KCNQ1: variants seen among roughly 807,000 people sequenced by gnomAD.
The protein encoded by KCNQ1 is potassium voltage-gated channel subfamily KQT member 1.
KCNQ1 carries 49 observed loss-of-function variants against 72.4 expected under a neutral mutation model. The observed-to-expected ratio is 0.68, with a 90% CI of 0.54 to 0.86. The LOEUF is 0.86. Among genes scored for constraint, KCNQ1 ranks in the 40% least tolerant of loss-of-function variants. KCNQ1 has a pLI of 0.00. For missense variants in KCNQ1, 790 were observed against 945.1 expected, an observed-to-expected ratio of 0.84 and a Z score of 2.15; for synonymous variants, 450 against 412.6, an observed-to-expected ratio of 1.09 and a Z score of -1.10.
At chr11:2,644,246 A>G (rs1849629396) in intron 10 of KCNQ1, 1 of 398,500 alleles carries the variant, frequency 2.5e-6, no homozygotes, top group East Asian at 3.6e-5. Context: ...ATGGCATCCT[A>G]TAGTCACATA....
chr11:2,723,264 G>A lies in KCNQ1; in HGVS notation c.1515-45580G>A, dbSNP rs1480774849. On this transcript the variant is annotated intron_variant, in intron 11 of 15. Transcript: ENST00000155840. The surrounding 1 kb of genome is among the most constrained non-coding windows in gnomAD (Gnocchi z 4.2). ...CTGCCGCCCTGGACAAGGTGCCCAC[G>A]GCCCTGTCCCATTTACCGTTGGGGC... 6.6e-6 allele frequency among the ~76,000 whole-genome samples: 1 copy of A among 152,204 alleles called. No individual in the cohort carries two copies. Among genetic ancestry groups the A allele is most frequent in the African/African-American group, 2.4e-5 (1 of 41,460 alleles).
Position 2,809,301 on chromosome 11 carries a change from T to C in KCNQ1, c.1794+31264T>C, listed in dbSNP as rs929460995. Among the ~76,000 whole-genome samples, 3 of 152,146 alleles carry C rather than the reference T, an allele frequency of 2.0e-5. No homozygotes were observed. Among genetic ancestry groups the C allele is most frequent in the African/African-American group, 7.2e-5 (3 of 41,426 alleles). On this transcript the variant is annotated intron_variant, in intron 15 of 15. Transcript: ENST00000155840. This position sits in a 1 kb window ranked among gnomAD's most constrained non-coding sequence, Gnocchi z 7.1. ...TTCATTTCTAAATGTCACTTTCAGG[T>C]TAAGGAAAATAAAATGTGGGACGCT...
At chr11:2,557,602 A>G (rs1303750329) in intron 2 of KCNQ1, among the ~76,000 whole-genome samples, 1 of 152,302 alleles carries the variant, frequency 6.6e-6, no homozygotes, top group African/African-American at 2.4e-5. Flanking sequence ...TCCCCTCTGC[A>G]TAGTATCAGC....
rs1847957163 is a variant in KCNQ1 at position 2,549,911 on chromosome 11, C to A, written c.478-20717C>A. Reference sequence around the variant, plus strand: ...AATCTGGGGGTTCCGGCTCCTTGCCCACCGCCCCCGCCACCCAGCGCGAGC... The same window carrying A: ...AATCTGGGGGTTCCGGCTCCTTGCCAACCGCCCCCGCCACCCAGCGCGAGC... On this transcript the variant is annotated intron_variant, in intron 2 of 15. Transcript: ENST00000155840. This position sits in a 1 kb window ranked among gnomAD's most constrained non-coding sequence, Gnocchi z 6.2. Among the ~76,000 whole-genome samples the A allele has an allele frequency of 1.3e-5, 2 of 152,164 alleles. No homozygotes were observed. The highest frequency in any genetic ancestry group is 2.9e-5 in the Non-Finnish European group (2 of 68,012).
In KCNQ1 at chr11:2,620,477, A is replaced by G; in HGVS notation, c.1393+31623A>G. Reference sequence around the variant, plus strand: ...GTGATCCACCCGCCTTGGCCTCCCAAAGTGCTGGGATTACAGGTGAGAGCT... The same window carrying G: ...GTGATCCACCCGCCTTGGCCTCCCAGAGTGCTGGGATTACAGGTGAGAGCT... On this transcript the variant is annotated intron_variant, in intron 10 of 15. Coordinates refer to ENST00000155840, the MANE Select transcript of KCNQ1 (RefSeq NM_000218.3). The surrounding 1 kb of genome is among the most constrained non-coding windows in gnomAD (Gnocchi z 4.5). The G allele has an allele frequency of 2.9e-6, 1 of 341,776 alleles. No individual in the cohort carries two copies. The highest frequency in any genetic ancestry group is 4.8e-5 in the Admixed American group (1 of 20,804). The allele number at this position is 341,776 out of a possible 1,614,324, so 21.2% of individuals were successfully genotyped here. A position where few individuals can be genotyped will look rare whatever the true frequency, so the allele number is the denominator to read the frequency against.
At position 2,588,726 on chromosome 11, in the gene KCNQ1, A is replaced by G. The variant is rs199472778; in HGVS notation, c.1265A>G (p.Lys422Arg). 1 of 1,613,514 alleles carries G rather than the reference A, an allele frequency of 6.2e-7. No homozygotes were observed. Among genetic ancestry groups the G allele is most frequent in the African/African-American group, 1.3e-5 (1 of 74,880 alleles). Residue 422 changes from lysine to arginine, a missense_variant, in exon 10 of 16, where the codon AAG becomes AGG. This residue lies in a region of KCNQ1 where 178 missense variants were observed against 177.9 expected (regional missense o/e 1.00). Transcript: ENST00000155840. This position sits in a 1 kb window ranked among gnomAD's most constrained non-coding sequence, Gnocchi z 5.6. ...TGTTTTTTTTAGGTAAAGAAAAAAA[A>G]GTTCAAGCTGGACAAAGACAATGGG... ...PKKSVVVKKK[K>R]FKLDKDNGVT...
intron 11 of KCNQ1, chr11:2,692,825 A>G (rs1850610190): frequency 5.0e-6 from 2 of 398,534 alleles, no homozygotes; most frequent in South Asian, 1.3e-4. Flanking sequence ...TGAGGCAATG[A>G]TCATTCCCCT....
Position 2,642,415 on chromosome 11 carries a change from G to A in KCNQ1, c.1394-19546G>A. On this transcript the variant is annotated intron_variant, in intron 10 of 15. Transcript: ENST00000155840. The surrounding 1 kb of genome is among the most constrained non-coding windows in gnomAD (Gnocchi z 4.3). ...TTTCTTTCTCAGCTGGTTCTTTATTGGTATATAGAAATAAGCCTGATTTTT... is the reference window on the plus strand; with the variant it reads ...TTTCTTTCTCAGCTGGTTCTTTATTAGTATATAGAAATAAGCCTGATTTTT... 5.0e-6 allele frequency: 2 copies of A among 397,902 alleles called. No individual in the cohort carries two copies. Among genetic ancestry groups the A allele is most frequent in the South Asian group, 1.3e-4 (1 of 7,824 alleles). The allele number at this position is 397,902 out of a possible 1,614,324, so 24.6% of individuals were successfully genotyped here.
intron 15 of KCNQ1, among the ~76,000 whole-genome samples, chr11:2,831,490 C>T (rs987949107): frequency 4.6e-5 from 7 of 152,066 alleles, no homozygotes; most frequent in Non-Finnish European, 8.8e-5. Flanking sequence ...GTCTCTGGGT[C>T]CCTCTGGTAC....
intron 15 of KCNQ1, among the ~76,000 whole-genome samples, chr11:2,792,634 G>T (rs956590264): frequency 6.6e-6 from 1 of 152,016 alleles, no homozygotes; most frequent in Non-Finnish European, 1.5e-5. Context: ...AGGGCACAGC[G>T]GTTGTGGGGT....
intron 8 of KCNQ1, among the ~76,000 whole-genome samples, chr11:2,587,249 A>G (rs1400646016): frequency 6.6e-6 from 1 of 152,168 alleles, no homozygotes; most frequent in Non-Finnish European, 1.5e-5. Context: ...ATGATGTGCG[A>G]CCTGCCCACC....
At position 2,647,496 on chromosome 11, in the gene KCNQ1, A is replaced by G; in HGVS notation, c.1394-14465A>G. 1 of 398,544 alleles carries G rather than the reference A, an allele frequency of 2.5e-6. No homozygotes were observed. Among genetic ancestry groups the G allele is most frequent in the Non-Finnish European group, 4.4e-6 (1 of 226,048 alleles). The allele number at this position is 398,544 out of a possible 1,614,324, so 24.7% of individuals were successfully genotyped here. ...TGTGTCCTTATCTGGTTTTGGTATC[A>G]AGATACTGCTTGCCTCACAGAATGA... is the stretch of plus-strand genomic sequence containing the variant. On this transcript the variant is annotated intron_variant, in intron 10 of 15. Transcript: ENST00000155840. This position sits in a 1 kb window ranked among gnomAD's most constrained non-coding sequence, Gnocchi z 4.0.
Position 2,759,629 on chromosome 11 carries a change from C to A in KCNQ1, c.1515-9215C>A, listed in dbSNP as rs1175097411. ...TTATTTCCTTATTTTCTTTCCATCT[C>A]CACTCCCAGGCAAAGCTGATAAATT... On this transcript the variant is annotated intron_variant, in intron 11 of 15. Coordinates refer to ENST00000155840, the MANE Select transcript of KCNQ1 (RefSeq NM_000218.3). The surrounding 1 kb of genome is among the most constrained non-coding windows in gnomAD (Gnocchi z 4.4). Among the ~76,000 whole-genome samples the A allele has an allele frequency of 6.6e-6, 1 of 152,322 alleles. No homozygotes were observed. The highest frequency in any genetic ancestry group is 2.1e-4 in the South Asian group (1 of 4,824).
chr11:2,793,027 G>A (rs1046298125), intron 15 of KCNQ1, among the ~76,000 whole-genome samples: 5 of 152,192 alleles, frequency 3.3e-5, no homozygotes, highest in Admixed American at 6.5e-5. Flanking sequence ...TCTGCTGCCC[G>A]CAAAGGGATG....
chr11:2,513,999 G>A lies in KCNQ1; in HGVS notation c.387-13929G>A, dbSNP rs114663161. On this transcript the variant is annotated intron_variant, in intron 1 of 15. Transcript: ENST00000155840. Reference sequence around the variant, plus strand: ...CTGCTCAGAGAGGCAAGTGGCTCCCGGGCCCCACAGTGACACTGGGGGACT... The same window carrying A: ...CTGCTCAGAGAGGCAAGTGGCTCCCAGGCCCCACAGTGACACTGGGGGACT... 8.1e-3 allele frequency among the ~76,000 whole-genome samples: 1,237 copies of A among 152,288 alleles called. 18 individuals are homozygous for A. Among genetic ancestry groups the A allele is most frequent in the African/African-American group, 0.029 (1,185 of 41,570 alleles).
intron 11 of KCNQ1, chr11:2,692,761 C>CT: frequency 2.5e-6 from 1 of 398,658 alleles, no homozygotes. Flanking sequence ...GGGCCAGGGT[C>CT]TAGTACCTGC....
chr11:2,750,175 CA>C lies in KCNQ1; in HGVS notation c.1515-18668del, dbSNP rs1256331400. ...GTGGGCCCAGAGTCCAGGTCAGCGC[CA>C]GGGGCAGCAGGGGCTGGATCTCTGG... On this transcript the variant is annotated intron_variant, in intron 11 of 15. Coordinates refer to ENST00000155840, the MANE Select transcript of KCNQ1 (RefSeq NM_000218.3). The surrounding 1 kb of genome is among the most constrained non-coding windows in gnomAD (Gnocchi z 6.3). 6.6e-6 allele frequency among the ~76,000 whole-genome samples: 1 copy of C among 152,086 alleles called. No individual in the cohort carries two copies. The highest frequency in any genetic ancestry group is 2.4e-5 in the African/African-American group (1 of 41,402).
At position 2,652,102 on chromosome 11, in the gene KCNQ1, G is replaced by C. The variant is rs1389459970; in HGVS notation, c.1394-9859G>C. 1 of 398,682 alleles carries C rather than the reference G, an allele frequency of 2.5e-6. No homozygotes were observed. 24.7% of individuals were successfully genotyped at this position (398,682 alleles called of 1,614,324 possible). On this transcript the variant is annotated intron_variant, in intron 10 of 15. Transcript: ENST00000155840. The surrounding 1 kb of genome is among the most constrained non-coding windows in gnomAD (Gnocchi z 5.9). ...GGGGAGCCTCTCGGCCCCAGTTCTGGCCTGGCTGGGAGGTGGCCTGGGAAG... is the reference window on the plus strand; with the variant it reads ...GGGGAGCCTCTCGGCCCCAGTTCTGCCCTGGCTGGGAGGTGGCCTGGGAAG...
intron 11 of KCNQ1, chr11:2,697,864 C>T (rs1043857758): frequency 5.0e-6 from 2 of 398,594 alleles, no homozygotes; most frequent in Non-Finnish European, 8.8e-6. Flanking sequence ...TGCTCTGATT[C>T]GCAATTTTAA....
Sources: allele counts gnomAD v4.1 joint callset (sites outside exome capture counted in the v4.1 genomes callset), GRCh38; gene constraint gnomAD v4.1.1; regional missense constraint gnomAD v4.1.1; non-coding constraint Gnocchi (gnomAD v3.1); transcripts MANE v1.5; gene names NCBI Gene and HGNC (gene_info 2026-07-23, HGNC 2026-07-21).